The following CHCHD6 variants were observed in gnomAD, a reference collection of about 807,000 sequenced individuals.
CHCHD6 encodes the protein MICOS complex subunit MIC25.
Under a neutral mutation model 32.3 loss-of-function variants are expected in CHCHD6, and 28 were observed. The observed-to-expected ratio is 0.87, with a 90% CI of 0.64 to 1.19. The LOEUF (loss-of-function observed/expected upper bound fraction) is 1.19. Ranked by LOEUF, CHCHD6 falls within the 50% of genes most tolerant of loss-of-function variation. CHCHD6 has a pLI of 0.00. For synonymous variants in CHCHD6, 122 were observed against 117.5 expected, an observed-to-expected ratio of 1.04 and a Z score of -0.25; for missense variants, 333 against 307.0, an observed-to-expected ratio of 1.08 and a Z score of -0.63.
chr3:126,922,818 A>G (rs563830644), intron 6 of CHCHD6, among the ~76,000 whole-genome samples: 1 of 152,344 alleles, frequency 6.6e-6, no homozygotes, highest in African/African-American at 2.4e-5. Context: ...TCACCTTTGT[A>G]ACAAGGGAAA....
At chr3:126,717,871 G>A (rs949060568) in intron 1 of CHCHD6, among the ~76,000 whole-genome samples, 3 of 152,176 alleles carry the variant, frequency 2.0e-5, no homozygotes, top group Admixed American at 6.5e-5. Flanking sequence ...CTCTGCACGC[G>A]TTCCCCCTCC....
intron 4 of CHCHD6, among the ~76,000 whole-genome samples, chr3:126,806,241 A>G (rs1334554502): frequency 1.3e-5 from 2 of 152,200 alleles, no homozygotes; most frequent in East Asian, 3.8e-4. Flanking sequence ...CAGCAAAAGA[A>G]ACTACCATCA....
intron 5 of CHCHD6, among the ~76,000 whole-genome samples, chr3:126,865,050 ACCT>A (rs1319453133): frequency 1.0e-3 from 51 of 51,100 alleles, no homozygotes; most frequent in African/African-American, 2.8e-3. Flanking sequence ...CTTCATCACT[ACCT>A]CCTCCTCCTC....
chr3:126,927,396 G>C (rs554150857), intron 6 of CHCHD6, among the ~76,000 whole-genome samples: 1 of 152,324 alleles, frequency 6.6e-6, no homozygotes, highest in South Asian at 2.1e-4. Context: ...GCACAGTCCT[G>C]TTGGGTTCTA....
chr3:126,815,252 C>T (rs939139985), intron 4 of CHCHD6, among the ~76,000 whole-genome samples: 1 of 152,172 alleles, frequency 6.6e-6, no homozygotes, highest in African/African-American at 2.4e-5. Flanking sequence ...CCTACCTGAT[C>T]CTTCAGTATC....
intron 6 of CHCHD6, chr3:126,935,148 A>G: frequency 1.0e-6 from 1 of 987,656 alleles, no homozygotes; most frequent in Non-Finnish European, 1.2e-6. Context: ...TGGGATGCTC[A>G]GCCAGTGCCT....
intron 6 of CHCHD6, among the ~76,000 whole-genome samples, chr3:126,915,700 G>A (rs1259653892): frequency 6.6e-6 from 1 of 152,210 alleles, no homozygotes; most frequent in Non-Finnish European, 1.5e-5. Flanking sequence ...GCTGTGCAGA[G>A]AACTGTGAGG....
chr3:126,954,171 A>C (rs577500471), intron 6 of CHCHD6, among the ~76,000 whole-genome samples: 157 of 152,232 alleles, frequency 1.0e-3, no homozygotes, highest in South Asian at 3.1e-3. Flanking sequence ...CCCAGGAGAG[A>C]GAGGCTGTCA....
chr3:126,950,908 T>A (rs2078706638), intron 6 of CHCHD6, among the ~76,000 whole-genome samples: 1 of 152,158 alleles, frequency 6.6e-6, no homozygotes, highest in Admixed American at 6.5e-5. Flanking sequence ...TTGTTGTTGA[T>A]GGGAAGGAAA....
intron 5 of CHCHD6, among the ~76,000 whole-genome samples, chr3:126,907,886 C>T (rs1270959420): frequency 1.3e-5 from 2 of 152,148 alleles, no homozygotes; most frequent in African/African-American, 4.8e-5. Flanking sequence ...TCCCAAGGGA[C>T]AGCTGGGTAG....
At chr3:126,738,662 G>C (rs1300004738) in intron 4 of CHCHD6, among the ~76,000 whole-genome samples, 1 of 152,184 alleles carries the variant, frequency 6.6e-6, no homozygotes. Flanking sequence ...GAAGCCCGCT[G>C]TGCAGTCGTC....
intron 4 of CHCHD6, among the ~76,000 whole-genome samples, chr3:126,824,136 A>C (rs1203335116): frequency 6.6e-6 from 1 of 152,188 alleles, no homozygotes; most frequent in Non-Finnish European, 1.5e-5. Flanking sequence ...TGTGGACATA[A>C]GAGGGAAATG....
chr3:126,912,810 T>A (rs1215992564), intron 5 of CHCHD6, among the ~76,000 whole-genome samples: 2 of 152,212 alleles, frequency 1.3e-5, no homozygotes, highest in African/African-American at 2.4e-5. Context: ...AGGGGAGTCC[T>A]TGGGGTAAGA....
At chr3:126,824,194 G>A (rs1412493261) in intron 4 of CHCHD6, among the ~76,000 whole-genome samples, 1 of 151,970 alleles carries the variant, frequency 6.6e-6, no homozygotes, top group African/African-American at 2.4e-5. Flanking sequence ...GGTTTTTTTA[G>A]ATACTCTATC....
At chr3:126,854,733 AC>A (rs1344229699) in intron 5 of CHCHD6, 1 of 152,368 alleles carries the variant, frequency 6.6e-6, no homozygotes, top group African/African-American at 2.4e-5. Flanking sequence ...GACAGTAAAA[AC>A]CTGTTTCGGG....
At chr3:126,929,238 T>C (rs1047779548) in intron 6 of CHCHD6, among the ~76,000 whole-genome samples, 1 of 152,204 alleles carries the variant, frequency 6.6e-6, no homozygotes, top group Admixed American at 6.5e-5. Flanking sequence ...CCTTTTAGAA[T>C]TGGGCTCTGG....
At chr3:126,752,402 A>T (rs1171566195) in intron 4 of CHCHD6, among the ~76,000 whole-genome samples, 1 of 152,168 alleles carries the variant, frequency 6.6e-6, no homozygotes, top group Non-Finnish European at 1.5e-5. Flanking sequence ...AGCGGAGCCC[A>T]CTAGGTGGCA....
At chr3:126,957,712 A>C in intron 7 of CHCHD6, 161 bp downstream of exon 7, 1 of 839,364 alleles carries the variant, frequency 1.2e-6, no homozygotes, top group East Asian at 2.7e-5. Flanking sequence ...CGCTTTCCTC[A>C]GTCACCTGCA....
At chr3:126,734,669 T>G (rs1935960947) in intron 4 of CHCHD6, among the ~76,000 whole-genome samples, 1 of 152,178 alleles carries the variant, frequency 6.6e-6, no homozygotes, top group Non-Finnish European at 1.5e-5. Flanking sequence ...ACAGTAGTTG[T>G]TAAATTGAAG....
Sources: allele counts gnomAD v4.1 joint callset (sites outside exome capture counted in the v4.1 genomes callset), GRCh38; gene constraint gnomAD v4.1.1; transcripts MANE v1.5; gene names NCBI Gene and HGNC (gene_info 2026-07-23, HGNC 2026-07-21).